The following ANTXR2 variants were observed in gnomAD, a reference collection of about 807,000 sequenced individuals.
The protein encoded by ANTXR2 is ANTXR cell adhesion molecule 2, also known as anthrax toxin receptor 2.
A neutral mutation model predicts 73.7 loss-of-function variants in ANTXR2; 44 were observed. The ratio of observed to expected loss-of-function variants is 0.60; its 90% CI spans 0.47 to 0.77. The LOEUF (loss-of-function observed/expected upper bound fraction) is 0.77, where lower values mean the gene tolerates loss of function less well. Ranked by LOEUF, ANTXR2 falls within the 30% of genes least tolerant of loss-of-function variation. The probability of loss-of-function intolerance (pLI) is 0.00; values close to 1 mark genes in which losing one functional copy is unlikely to be tolerated. For synonymous variants in ANTXR2, 217 were observed against 205.9 expected (o/e 1.05, Z -0.46); for missense variants, 604 against 592.5 (o/e 1.02, Z -0.20).
intron 16 of ANTXR2, among the ~76,000 whole-genome samples, chr4:79,955,591 C>A (rs937172932): frequency 6.6e-6 from 1 of 151,998 alleles, no homozygotes; most frequent in African/African-American, 2.4e-5. Flanking sequence ...TTTGGGAATA[C>A]CCTTATGAGC....
chr4:80,064,664 G>A (rs924602806), intron 3 of ANTXR2, among the ~76,000 whole-genome samples: 11 of 152,210 alleles, frequency 7.2e-5, no homozygotes, highest in African/African-American at 2.7e-4. Context: ...CTCAGAAGAT[G>A]TGGCATGTAA....
intron 10 of ANTXR2, among the ~76,000 whole-genome samples, chr4:80,019,204 T>A (rs1294794539): frequency 6.6e-6 from 1 of 151,848 alleles, no homozygotes; most frequent in East Asian, 1.9e-4. Context: ...CCATCTCTAG[T>A]GAAAATACAA....
chr4:80,053,267 T>C (rs577041661), intron 7 of ANTXR2, among the ~76,000 whole-genome samples: 10 of 151,822 alleles, frequency 6.6e-5, no homozygotes, highest in East Asian at 1.9e-4. Context: ...CAACAATATA[T>C]GTAAACTACA....
chr4:80,034,348 AT>A (rs1198216870), intron 8 of ANTXR2, among the ~76,000 whole-genome samples: 1 of 152,168 alleles, frequency 6.6e-6, no homozygotes, highest in Non-Finnish European at 1.5e-5. Flanking sequence ...ATTAACGCTT[AT>A]TTAAAAGGTA....
At chr4:80,044,886 T>C (rs1413180758) in intron 7 of ANTXR2, among the ~76,000 whole-genome samples, 3 of 151,912 alleles carry the variant, frequency 2.0e-5, no homozygotes, top group Non-Finnish European at 4.4e-5. Context: ...ATGTTTATTC[T>C]ATTTAATTAA....
chr4:80,054,926 T>C (rs1733923580), intron 6 of ANTXR2, among the ~76,000 whole-genome samples: 1 of 151,694 alleles, frequency 6.6e-6, no homozygotes, highest in Non-Finnish European at 1.5e-5. Context: ...TTATATTAGT[T>C]TACCAAACCA....
chr4:80,029,534 C>T (rs1202000018), intron 10 of ANTXR2, among the ~76,000 whole-genome samples: 5 of 151,864 alleles, frequency 3.3e-5, no homozygotes, highest in African/African-American at 7.3e-5. Flanking sequence ...TACTATGAGT[C>T]AGACATTGTG....
intron 14 of ANTXR2, among the ~76,000 whole-genome samples, chr4:79,983,525 A>G (rs1729975414): frequency 6.6e-6 from 1 of 152,176 alleles, no homozygotes; most frequent in Admixed American, 6.5e-5. Context: ...TAACTATTGG[A>G]TCTTTACAAA....
intron 3 of ANTXR2, among the ~76,000 whole-genome samples, chr4:80,065,041 G>A (rs766854079): frequency 5.3e-5 from 8 of 152,228 alleles, no homozygotes; most frequent in Middle Eastern, 6.8e-3. Flanking sequence ...TTGTAAAGTC[G>A]AGGTAATAAC....
intron 16 of ANTXR2, among the ~76,000 whole-genome samples, chr4:79,944,541 A>T (rs551609495): frequency 6.6e-6 from 1 of 150,876 alleles, no homozygotes; most frequent in South Asian, 2.1e-4. Flanking sequence ...ATACTTGTGT[A>T]TAGTTCTAAT....
rs4331719 is a variant in ANTXR2 at position 79,901,827 on chromosome 4, G to C, written c.*5602C>G. 0.12 allele frequency: 18,734 copies of C among 151,988 alleles called. 2,439 individuals are homozygous for C. The highest frequency in any genetic ancestry group is 0.67 in the East Asian group (3,449 of 5,124). 9.4% of individuals were successfully genotyped at this position (151,988 alleles called of 1,614,324 possible). On this transcript the variant is annotated 3_prime_UTR_variant, in exon 17 of 17. Transcript: ENST00000403729. ...GCGCAACTTAGATCCCTCACACACAGTTCCAAAAGGGTTTGTGCTCCTTGA... is the reference window on the plus strand; with the variant it reads ...GCGCAACTTAGATCCCTCACACACACTTCCAAAAGGGTTTGTGCTCCTTGA...
intron 7 of ANTXR2, among the ~76,000 whole-genome samples, chr4:80,053,757 G>A (rs1057307063): frequency 6.6e-6 from 1 of 151,668 alleles, no homozygotes; most frequent in Non-Finnish European, 1.5e-5. Flanking sequence ...GATCACTAGA[G>A]ACAGCACAAC....
intron 12 of ANTXR2, among the ~76,000 whole-genome samples, chr4:79,994,644 C>CT (rs770614104): frequency 1.4e-4 from 21 of 151,492 alleles, no homozygotes; most frequent in Admixed American, 4.6e-4. Context: ...ATAACTCTTC[C>CT]TTTTTTTTAA....
chr4:80,033,865 C>T lies in ANTXR2; in HGVS notation c.698-295G>A, dbSNP rs532471698. Among the ~76,000 whole-genome samples the T allele has an allele frequency of 8.3e-3, 1,268 of 152,088 alleles. 4 individuals are homozygous for T. The highest frequency in any genetic ancestry group is 0.013 in the Admixed American group (196 of 15,238). ...TAGAACAGAAGCATTAACAGTCATT[C>T]CCAGACAGATACTATACAAACCTCC... On this transcript the variant is annotated intron_variant, in intron 8 of 16. Transcript: ENST00000403729.
In ANTXR2 at chr4:80,068,301, C is replaced by T. The variant is rs73829356; in HGVS notation, c.296+1135G>A. On this transcript the variant is annotated intron_variant, in intron 3 of 16. Coordinates refer to ENST00000403729, the MANE Select transcript of ANTXR2 (RefSeq NM_058172.6). Reference sequence around the variant, plus strand: ...ATGCAAAACAAAGTACACCAGCTTCCCTTGCTGAAACTACAGTTCAGAAAA... The same window carrying T: ...ATGCAAAACAAAGTACACCAGCTTCTCTTGCTGAAACTACAGTTCAGAAAA... 1.6e-3 allele frequency among the ~76,000 whole-genome samples: 242 copies of T among 152,284 alleles called. 1 individual carries two copies. The highest frequency in any genetic ancestry group is 5.7e-3 in the African/African-American group (236 of 41,562).
chr4:79,904,692 G>A lies in ANTXR2; in HGVS notation c.*2737C>T, dbSNP rs2109919219. On this transcript the variant is annotated 3_prime_UTR_variant, in exon 17 of 17. Coordinates refer to ENST00000403729, the MANE Select transcript of ANTXR2 (RefSeq NM_058172.6). ...GTTAGGAGTCATTTCCCACTTAATT[G>A]TTTTTGCAACCTTATGCAACACGAA... The A allele has an allele frequency of 6.6e-6, 1 of 152,180 alleles. No individual in the cohort carries two copies. Among genetic ancestry groups the A allele is most frequent in the East Asian group, 1.9e-4 (1 of 5,176 alleles). 9.4% of individuals were successfully genotyped at this position (152,180 alleles called of 1,614,324 possible).
In ANTXR2 at chr4:79,915,854, C is replaced by CTATA. The variant is rs1384449714; in HGVS notation, c.1429-8388_1429-8387insTATA. ...CCTCTCTCTCTCTCTCTCTCTCTCT[C>CTATA]TCTCTCTCTATATATATATATATAC... On this transcript the variant is annotated intron_variant, in intron 16 of 16. Transcript: ENST00000403729. 5.7e-3 allele frequency among the ~76,000 whole-genome samples: 633 copies of CTATA among 111,212 alleles called. 3 individuals are homozygous for CTATA. Among genetic ancestry groups the CTATA allele is most frequent in the African/African-American group, 0.01 (345 of 32,860 alleles). The allele number at this position is 111,212 out of a possible 152,430, so 73.0% of individuals were successfully genotyped here.
rs1280369274 is a variant in ANTXR2, at chr4:79,906,110, C to G, written c.*1319G>C. The G allele has an allele frequency of 6.6e-6, 1 of 152,592 alleles. No individual in the cohort carries two copies. The highest frequency in any genetic ancestry group is 2.4e-5 in the African/African-American group (1 of 41,440). The allele number at this position is 152,592 out of a possible 1,614,324, so 9.5% of individuals were successfully genotyped here. A position where few individuals can be genotyped will look rare whatever the true frequency, so the allele number is the denominator to read the frequency against. The stretch of plus-strand genomic sequence containing the variant: ...TTCTTCAGCTGCTGCCTTCCTCCCC[C>G]ACGGTGTTTCTGCTCACGCTAACAT... On this transcript the variant is annotated 3_prime_UTR_variant, in exon 17 of 17. Transcript: ENST00000403729.
intron 16 of ANTXR2, among the ~76,000 whole-genome samples, chr4:79,911,312 T>C (rs755886875): frequency 6.6e-6 from 1 of 152,288 alleles, no homozygotes; most frequent in South Asian, 2.1e-4. Flanking sequence ...ATCAAAGAAC[T>C]GTACAGAATG....
Sources: allele counts gnomAD v4.1 joint callset (sites outside exome capture counted in the v4.1 genomes callset), GRCh38; gene constraint gnomAD v4.1.1; transcripts MANE v1.5; gene names NCBI Gene and HGNC (gene_info 2026-07-23, HGNC 2026-07-21).